The following MPRIP variants were observed in gnomAD, a reference collection of about 807,000 sequenced individuals.
The protein encoded by MPRIP is myosin phosphatase Rho interacting protein, also known as myosin phosphatase Rho-interacting protein.
Under a neutral mutation model 234.9 loss-of-function variants are expected in MPRIP, and 59 were observed. The observed-to-expected ratio is 0.25, with a 90% CI of 0.20 to 0.31. The LOEUF is 0.31. MPRIP is among the 10% of genes least tolerant of loss of function. The pLI is 1.00. For synonymous variants in MPRIP, 1,144 were observed against 1,263.9 expected (o/e 0.91, Z 2.01); for missense variants, 2,436 against 3,071.0 (o/e 0.79, Z 4.89).
chr17:17,184,672 G>T, intron 23 of MPRIP, 151 bp from the exon 24 acceptor site: 1 of 541,434 alleles, frequency 1.8e-6, no homozygotes, highest in Non-Finnish European at 3.5e-6. Flanking sequence ...ATTTCCCGGG[G>T]ACTCTCCTCC....
chr17:17,101,899 G>T (rs2089969661), intron 3 of MPRIP, among the ~76,000 whole-genome samples: 1 of 152,170 alleles, frequency 6.6e-6, no homozygotes. Context: ...CTGATGTCCA[G>T]GAGGTCAGGC....
At chr17:17,043,974 G>C (rs1247270459) in intron 1 of MPRIP, among the ~76,000 whole-genome samples, 2 of 152,204 alleles carry the variant, frequency 1.3e-5, no homozygotes, top group Non-Finnish European at 1.5e-5. Context: ...TGTCGCAGAA[G>C]AACCCCTTAG....
At chr17:17,139,326 T>C (rs1351984992) in intron 7 of MPRIP, among the ~76,000 whole-genome samples, 1 of 152,174 alleles carries the variant, frequency 6.6e-6, no homozygotes, top group East Asian at 1.9e-4. Context: ...CTCAGCCAGG[T>C]TTATGGATAG....
At chr17:17,043,094 T>G in intron 1 of MPRIP, 123 bp downstream of exon 1, 1 of 935,540 alleles carries the variant, frequency 1.1e-6, no homozygotes, top group Non-Finnish European at 1.6e-6. Flanking sequence ...TCCTGGGGCA[T>G]GGGGACGGGG....
At chr17:17,147,690 T>C (rs1372404117) in intron 11 of MPRIP, among the ~76,000 whole-genome samples, 3 of 152,218 alleles carry the variant, frequency 2.0e-5, no homozygotes, top group Non-Finnish European at 4.4e-5. Flanking sequence ...CAGCTTTTCT[T>C]TTCTCTGTTC....
intron 3 of MPRIP, among the ~76,000 whole-genome samples, chr17:17,117,229 G>A (rs144019403): frequency 1.3e-3 from 199 of 152,372 alleles, no homozygotes; most frequent in Middle Eastern, 3.4e-3. Context: ...AGAAGCAGCA[G>A]GCGGCACGGG....
rs1208017655 is a variant in MPRIP at position 17,190,032 on chromosome 17, ATTC to A, written c.*5143_*5145del. On this transcript the variant is annotated 3_prime_UTR_variant, in exon 24 of 24. Coordinates refer to ENST00000651222, the MANE Select transcript of MPRIP (RefSeq NM_001364716.4). ...TTCCTGGGCTTTCCTGCCCTCCAGC[ATTC>A]TTCTCTAGAGAGGTTCCTAGCCCGC... 6.6e-6 allele frequency: 1 copy of A among 152,210 alleles called. No homozygotes were observed. Among genetic ancestry groups the A allele is most frequent in the Non-Finnish European group, 1.5e-5 (1 of 68,034 alleles). 9.4% of individuals were successfully genotyped at this position (152,210 alleles called of 1,614,324 possible). A position where few individuals can be genotyped will look rare whatever the true frequency, so the allele number is the denominator to read the frequency against.
At position 17,177,921 on chromosome 17, in the gene MPRIP, C is replaced by G. The variant is rs1052810097; in HGVS notation, c.7120+509C>G. Among the ~76,000 whole-genome samples, 20 of 129,452 alleles carry G rather than the reference C, an allele frequency of 1.5e-4. No homozygotes were observed. The Admixed American group carries it at 1.8e-3, about 12-fold the overall frequency. The allele number at this position is 129,452 out of a possible 152,430, so 84.9% of individuals were successfully genotyped here. On this transcript the variant is annotated intron_variant, in intron 22 of 23. Transcript: ENST00000651222. ...TTTTATCAAGCATTTTCAGCTCATA[C>G]GTAATTTTTTTTTTTTTTTTTTTGA...
rs61242604 is a variant in MPRIP at position 17,043,029 on chromosome 17, G to T, written c.123+58G>T. ...TTCTGGGAGCCGCGGGTCGGCGGCC[G>T]GGGCGCCGCCAAGGGCTGCAGGGAA... On this transcript the variant is annotated intron_variant, in intron 1 of 23. Transcript: ENST00000651222. The T allele has an allele frequency of 2.8e-5, 44 of 1,554,952 alleles. No homozygotes were observed. In the East Asian group the frequency reaches 9.2e-4, roughly 32 times the overall value.
intron 23 of MPRIP, among the ~76,000 whole-genome samples, chr17:17,184,476 CG>C: frequency 6.6e-6 from 1 of 152,320 alleles, no homozygotes; most frequent in South Asian, 2.1e-4. Flanking sequence ...AGACAAGACA[CG>C]GGGATGGGCA....
intron 12 of MPRIP, among the ~76,000 whole-genome samples, chr17:17,152,133 C>G (rs1011603168): frequency 6.6e-6 from 1 of 152,230 alleles, no homozygotes; most frequent in Admixed American, 6.5e-5. Flanking sequence ...CAGGCATCTG[C>G]GAGAGGAGCT....
At chr17:17,129,967 C>T (rs1253572788) in intron 4 of MPRIP, among the ~76,000 whole-genome samples, 3 of 152,230 alleles carry the variant, frequency 2.0e-5, no homozygotes, top group African/African-American at 7.2e-5. Flanking sequence ...GACCTCTGCT[C>T]CCAGCCAGCC....
chr17:17,159,896 G>A (rs1282907482), intron 14 of MPRIP, among the ~76,000 whole-genome samples: 2 of 152,222 alleles, frequency 1.3e-5, no homozygotes, highest in Non-Finnish European at 2.9e-5. Context: ...GTATGAGGCT[G>A]AGTTACCACC....
intron 1 of MPRIP, among the ~76,000 whole-genome samples, chr17:17,055,763 AC>A (rs1353101558): frequency 1.3e-5 from 2 of 152,062 alleles, no homozygotes; most frequent in Non-Finnish European, 2.9e-5. Context: ...GCCAGCTAGC[AC>A]CTGGCCTTCT....
intron 16 of MPRIP, chr17:17,168,792 G>A (rs1769753748): frequency 4.4e-6 from 2 of 450,734 alleles, no homozygotes; most frequent in South Asian, 3.1e-5. Flanking sequence ...CCCCTCAAAA[G>A]CCATGTTCAG....
chr17:17,107,765 C>G (rs1016822446), intron 3 of MPRIP, among the ~76,000 whole-genome samples: 1 of 152,240 alleles, frequency 6.6e-6, no homozygotes, highest in Non-Finnish European at 1.5e-5. Flanking sequence ...GTTCCCATCT[C>G]TCTAGCTGGT....
At chr17:17,064,190 C>A (rs1011145663) in intron 1 of MPRIP, among the ~76,000 whole-genome samples, 1 of 148,996 alleles carries the variant, frequency 6.7e-6, no homozygotes, top group Non-Finnish European at 1.5e-5. Context: ...TTTTGTTTTT[C>A]GGTTTTTTTT....
chr17:17,049,126 A>C (rs1218050093), intron 1 of MPRIP, among the ~76,000 whole-genome samples: 1 of 152,380 alleles, frequency 6.6e-6, no homozygotes, highest in East Asian at 1.9e-4. Flanking sequence ...TAAAATGTCC[A>C]AAACAGGTAA....
At chr17:17,050,109 C>G (rs1385909112) in intron 1 of MPRIP, among the ~76,000 whole-genome samples, 1 of 152,084 alleles carries the variant, frequency 6.6e-6, no homozygotes, top group Admixed American at 6.5e-5. Context: ...GGGTGGATCA[C>G]GAGGTCAGGA....
Sources: gnomAD v4.1 joint callset for allele counts (sites outside exome capture counted in the v4.1 genomes callset) on GRCh38, gnomAD v4.1.1 for gene constraint, MANE v1.5 for transcripts, NCBI Gene and HGNC (gene_info 2026-07-23, HGNC 2026-07-21) for gene names.